ZCCHC2: variants seen among roughly 807,000 people sequenced by gnomAD.
The protein encoded by ZCCHC2 is zinc finger CCHC-type containing 2, also known as zinc finger CCHC domain-containing protein 2.
Under a neutral mutation model 103.6 loss-of-function variants are expected in ZCCHC2, and 39 were observed. The ratio of observed to expected loss-of-function variants is 0.38; its 90% CI spans 0.29 to 0.49. The LOEUF is 0.49. ZCCHC2 is among the 20% of genes least tolerant of loss of function. ZCCHC2 has a pLI of 0.96. For missense variants in ZCCHC2, 1,483 were observed against 1,491.0 expected, an observed-to-expected ratio of 0.99 and a Z score of 0.09; for synonymous variants, 687 against 608.9, an observed-to-expected ratio of 1.13 and a Z score of -1.89.
intron 11 of ZCCHC2, among the ~76,000 whole-genome samples, chr18:62,565,685 A>G (rs1184827006): frequency 7.2e-5 from 11 of 152,146 alleles, no homozygotes; most frequent in Non-Finnish European, 1.2e-4. Flanking sequence ...TATCTTCACT[A>G]TTAATTGTAA....
intron 1 of ZCCHC2, among the ~76,000 whole-genome samples, chr18:62,539,245 A>T (rs1035857941): frequency 1.3e-5 from 2 of 152,188 alleles, no homozygotes; most frequent in Non-Finnish European, 2.9e-5. Flanking sequence ...GCATGTATTG[A>T]TGATACCTTT....
chr18:62,548,358 G>A (rs1915508982), intron 4 of ZCCHC2, among the ~76,000 whole-genome samples: 1 of 152,082 alleles, frequency 6.6e-6, no homozygotes, highest in Non-Finnish European at 1.5e-5. Flanking sequence ...TGCTCATACT[G>A]ATGACTGCTT....
Position 62,574,852 on chromosome 18 carries a change from C to T in ZCCHC2, c.2771C>T (p.Ala924Val). ...TACCCCTTACCAGGCTCTCCCCTTG[C>T]TGCCGGCGTGTTACCCAGCCAGAAC... The part of the protein sequence containing the change: ...ASYPLPGSPL[A>V]AGVLPSQNSS... The change falls in exon 13 of 14, where the codon GCT (alanine) becomes GTT (valine). Residue 924 changes from alanine (A) to valine (V), a missense_variant. Transcript: ENST00000269499. 1 of 1,613,932 alleles carries T rather than the reference C, an allele frequency of 6.2e-7. No homozygotes were observed. Among genetic ancestry groups the T allele is most frequent in the Non-Finnish European group, 8.5e-7 (1 of 1,179,896 alleles).
At chr18:62,562,703 C>G (rs1318204470) in intron 8 of ZCCHC2, among the ~76,000 whole-genome samples, 1 of 152,186 alleles carries the variant, frequency 6.6e-6, no homozygotes, top group East Asian at 1.9e-4. Context: ...CAGCAGTGCT[C>G]TCAAGATGCA....
At chr18:62,560,730 C>A in intron 8 of ZCCHC2, 86 bp downstream of exon 8, 4 of 1,075,782 alleles carry the variant, frequency 3.7e-6, no homozygotes, top group Non-Finnish European at 5.4e-6. Flanking sequence ...ATGTATTTGG[C>A]TATAATTCTG....
intron 1 of ZCCHC2, 152 bp downstream of exon 1, chr18:62,524,515 G>C: frequency 8.0e-7 from 1 of 1,245,020 alleles, no homozygotes; most frequent in Non-Finnish European, 1.1e-6. Context: ...AGAGGGCTGA[G>C]CTTCGTCTCG....
intron 12 of ZCCHC2, among the ~76,000 whole-genome samples, chr18:62,570,992 A>C (rs950512856): frequency 1.3e-5 from 2 of 152,162 alleles, no homozygotes; most frequent in African/African-American, 4.8e-5. Context: ...CATGAGCAAA[A>C]CGTTTTAGGT....
chr18:62,529,796 T>C (rs1914604258), intron 1 of ZCCHC2, among the ~76,000 whole-genome samples: 1 of 152,172 alleles, frequency 6.6e-6, no homozygotes, highest in Non-Finnish European at 1.5e-5. Flanking sequence ...TTGACTAAAA[T>C]ATGTCTGTGT....
At position 62,524,442 on chromosome 18, in the gene ZCCHC2, C is replaced by T. The variant is rs948072566; in HGVS notation, c.939+79C>T. On this transcript the variant is annotated intron_variant, in intron 1 of 13. Transcript: ENST00000269499. ...CTCCCCGGCCTCGCTCTCGGACGCC[C>T]CTTGCCCGAGCCCCAGCCCGGCGCA... The T allele has an allele frequency of 7.8e-6, 11 of 1,408,842 alleles. No individual in the cohort carries two copies. The Admixed American group carries it at 2.3e-4, about 29-fold the overall frequency. 87.3% of individuals were successfully genotyped at this position (1,408,842 alleles called of 1,614,324 possible). A position where few individuals can be genotyped will look rare whatever the true frequency, so the allele number is the denominator to read the frequency against.
chr18:62,523,211 C>T lies in ZCCHC2; in HGVS notation c.-214C>T. On this transcript the variant is annotated 5_prime_UTR_variant, in exon 1 of 14. In the 5' UTR this introduces an upstream ATG that the reference lacks. Transcript: ENST00000269499. Reference sequence around the variant, plus strand: ...CCAGGGGGAGGAGCCGTCGCGGGCACGCCCCGCCCCCAGCCCGGGAAGACG... The same window carrying T: ...CCAGGGGGAGGAGCCGTCGCGGGCATGCCCCGCCCCCAGCCCGGGAAGACG... The T allele has an allele frequency of 4.7e-6, 1 of 212,898 alleles. No homozygotes were observed. Among genetic ancestry groups the T allele is most frequent in the Non-Finnish European group, 8.1e-6 (1 of 123,674 alleles). The allele number at this position is 212,898 out of a possible 1,614,324, so 13.2% of individuals were successfully genotyped here. A position where few individuals can be genotyped will look rare whatever the true frequency, so the allele number is the denominator to read the frequency against.
At chr18:62,570,630 G>T (rs1286675321) in intron 12 of ZCCHC2, among the ~76,000 whole-genome samples, 1 of 152,148 alleles carries the variant, frequency 6.6e-6, no homozygotes, top group African/African-American at 2.4e-5. Flanking sequence ...TTGTCTTAAA[G>T]TCTATTTTGT....
Position 62,577,324 on chromosome 18 carries a change from A to G in ZCCHC2, c.*745A>G, listed in dbSNP as rs1444261894. On this transcript the variant is annotated 3_prime_UTR_variant, in exon 14 of 14. Transcript: ENST00000269499. ...GGACAAAAAGCTTTTTCTGAAACCA[A>G]CTTTTTACTTCCATCATCCTTTTTT... The G allele has an allele frequency of 6.6e-6, 1 of 152,292 alleles. No individual in the cohort carries two copies. Among genetic ancestry groups the G allele is most frequent in the Non-Finnish European group, 1.5e-5 (1 of 68,032 alleles). The allele number at this position is 152,292 out of a possible 1,614,324, so 9.4% of individuals were successfully genotyped here.
At chr18:62,537,699 G>C (rs1914989913) in intron 1 of ZCCHC2, among the ~76,000 whole-genome samples, 1 of 152,172 alleles carries the variant, frequency 6.6e-6, no homozygotes, top group Non-Finnish European at 1.5e-5. Context: ...TGGGTTTTGA[G>C]TTTACACCTT....
At chr18:62,552,219 G>A (rs531005412) in intron 5 of ZCCHC2, 2 of 152,300 alleles carry the variant, frequency 1.3e-5, no homozygotes, top group Non-Finnish European at 2.9e-5. Flanking sequence ...GAGGAAAGGG[G>A]CTTCTGGGCG....
At chr18:62,554,176 G>T (rs1915782620) in intron 5 of ZCCHC2, among the ~76,000 whole-genome samples, 1 of 152,190 alleles carries the variant, frequency 6.6e-6, no homozygotes. Context: ...TTAATAGGAT[G>T]TCAGGACACT....
At chr18:62,576,385 T>G in intron 13 of ZCCHC2, 127 bp from the exon 14 acceptor site, 6 of 691,068 alleles carry the variant, frequency 8.7e-6, no homozygotes, top group East Asian at 2.8e-5. Flanking sequence ...GGATTGGCCA[T>G]TTGGAGTGGC....
intron 1 of ZCCHC2, among the ~76,000 whole-genome samples, chr18:62,528,419 C>T (rs1021198523): frequency 6.6e-6 from 1 of 152,034 alleles, no homozygotes; most frequent in African/African-American, 2.4e-5. Context: ...ATGGTGAAAC[C>T]CCATCTCTAT....
intron 8 of ZCCHC2, among the ~76,000 whole-genome samples, chr18:62,561,977 A>G (rs961251994): frequency 4.6e-5 from 7 of 151,748 alleles, no homozygotes; most frequent in African/African-American, 1.7e-4. Context: ...ATTTTTCACC[A>G]TGTCCCGTGG....
chr18:62,546,827 C>G (rs1331323173), intron 4 of ZCCHC2, among the ~76,000 whole-genome samples: 1 of 152,226 alleles, frequency 6.6e-6, no homozygotes, highest in Non-Finnish European at 1.5e-5. Flanking sequence ...AAGTAATTCA[C>G]TCTTCAGAAT....
Sources: gnomAD v4.1 joint callset for allele counts (sites outside exome capture counted in the v4.1 genomes callset) on GRCh38, gnomAD v4.1.1 for gene constraint, MANE v1.5 for transcripts, NCBI Gene and HGNC (gene_info 2026-07-23, HGNC 2026-07-21) for gene names.